The following ARHGAP8 variants were observed in gnomAD, a reference collection of about 807,000 sequenced individuals.
ARHGAP8 encodes Rho GTPase activating protein 8, also known as rho GTPase-activating protein 8.
Under a neutral mutation model 46.1 loss-of-function variants are expected in ARHGAP8, and 62 were observed. That is an observed-to-expected ratio of 1.34 (90% CI 1.10 to 1.66). The LOEUF (loss-of-function observed/expected upper bound fraction) is 1.66. Among genes scored for constraint, ARHGAP8 ranks in the 40% most tolerant of loss-of-function variants. The pLI is 0.00. For synonymous variants in ARHGAP8, 375 were observed against 243.1 expected (o/e 1.54, Z -5.05); for missense variants, 923 against 568.4 (o/e 1.62, Z -6.34).
intron 1 of ARHGAP8, among the ~76,000 whole-genome samples, chr22:44,773,158 G>T (rs1053112729): frequency 5.3e-5 from 8 of 152,098 alleles, no homozygotes; most frequent in Non-Finnish European, 8.8e-5. Flanking sequence ...ACTAGATAGT[G>T]GGCTATTCAG....
chr22:44,845,478 C>T (rs1473913643), intron 8 of ARHGAP8, 136 bp downstream of exon 8: 2 of 1,187,064 alleles, frequency 1.7e-6, no homozygotes, highest in Non-Finnish European at 2.4e-6. Context: ...ACAGTGGCTC[C>T]AGGTCTGGGC....
In ARHGAP8 at chr22:44,762,219, C is replaced by T. The variant is rs536217872; in HGVS notation, c.-72+9592C>T. On this transcript the variant is annotated intron_variant, in intron 1 of 11. Transcript: ENST00000356099. ...CCGGAAGGCTGAGATGGGAGGATCA[C>T]TTGAGGCCAGGAGTTTGAGACCAGT... 1.2e-4 allele frequency among the ~76,000 whole-genome samples: 18 copies of T among 152,310 alleles called. No individual in the cohort carries two copies. In the South Asian group the frequency reaches 3.7e-3, roughly 32 times the overall value.
intron 1 of ARHGAP8, among the ~76,000 whole-genome samples, chr22:44,761,520 A>G (rs1233116433): frequency 6.6e-6 from 1 of 152,234 alleles, no homozygotes; most frequent in Non-Finnish European, 1.5e-5. Flanking sequence ...GTTATATGCA[A>G]ATACTACACC....
intron 9 of ARHGAP8, 87 bp downstream of exon 9, chr22:44,848,137 C>T (rs2070005740): frequency 6.5e-7 from 1 of 1,539,862 alleles, no homozygotes; most frequent in Non-Finnish European, 8.8e-7. Context: ...CAGGGAAGCA[C>T]CGCCCCCGCA....
At position 44,862,630 on chromosome 22, in the gene ARHGAP8, C is replaced by T. The variant is rs199814548; in HGVS notation, c.*35C>T. ...CACTCTGTATATTTCGAGCTACCTC[C>T]CACACCTGTCTGTGCACTTGTATGT... On this transcript the variant is annotated 3_prime_UTR_variant, in exon 12 of 12. Transcript: ENST00000356099. 2.3e-5 allele frequency: 35 copies of T among 1,521,960 alleles called. No homozygotes were observed. In the East Asian group the frequency reaches 8.0e-4, roughly 35 times the overall value. The allele number at this position is 1,521,960 out of a possible 1,614,324, so 94.3% of individuals were successfully genotyped here.
intron 7 of ARHGAP8, among the ~76,000 whole-genome samples, chr22:44,833,102 T>TTTCTTTTC (rs781535479): frequency 9.5e-5 from 14 of 147,044 alleles, no homozygotes; most frequent in African/African-American, 3.5e-4. Context: ...TTTTCTTTTT[T>TTTCTTTTC]TTTTTTTTTT....
intron 1 of ARHGAP8, among the ~76,000 whole-genome samples, chr22:44,761,057 G>A (rs1009616389): frequency 4.6e-5 from 7 of 152,334 alleles, no homozygotes; most frequent in African/African-American, 1.7e-4. Context: ...ACTTCATTTT[G>A]ATGATTACGA....
chr22:44,858,196 C>G (rs1465579928), intron 10 of ARHGAP8, among the ~76,000 whole-genome samples: 6 of 152,110 alleles, frequency 3.9e-5, no homozygotes, highest in Non-Finnish European at 8.8e-5. Flanking sequence ...TTGTAGAGCA[C>G]CCGGTGGTCA....
intron 2 of ARHGAP8, among the ~76,000 whole-genome samples, chr22:44,793,582 C>A (rs577852088): frequency 1.3e-5 from 2 of 152,182 alleles, no homozygotes; most frequent in African/African-American, 4.8e-5. Context: ...TTGCTACTGC[C>A]TTTATGATGC....
intron 5 of ARHGAP8, among the ~76,000 whole-genome samples, chr22:44,821,242 T>C (rs371183583): frequency 1.4e-3 from 209 of 152,130 alleles, no homozygotes; most frequent in African/African-American, 1.7e-3. Flanking sequence ...CCATCCTGGC[T>C]AACATGTTGA....
chr22:44,807,512 C>A (rs1271482487), intron 3 of ARHGAP8, among the ~76,000 whole-genome samples: 2 of 152,158 alleles, frequency 1.3e-5, no homozygotes, highest in Non-Finnish European at 2.9e-5. Flanking sequence ...CTTAGAAATG[C>A]AGCAGGCAGC....
intron 5 of ARHGAP8, among the ~76,000 whole-genome samples, chr22:44,815,527 G>C (rs1276230545): frequency 6.6e-6 from 1 of 152,116 alleles, no homozygotes; most frequent in South Asian, 2.1e-4. Flanking sequence ...CCCAGGAGCA[G>C]GTCACCCATG....
chr22:44,836,302 C>A (rs1931283732), intron 7 of ARHGAP8, among the ~76,000 whole-genome samples: 1 of 151,746 alleles, frequency 6.6e-6, no homozygotes. Context: ...CTGGGGCCAA[C>A]TAATGTTCCT....
chr22:44,799,958 A>G (rs1189334488), intron 2 of ARHGAP8, among the ~76,000 whole-genome samples: 2 of 105,168 alleles, frequency 1.9e-5, no homozygotes, highest in African/African-American at 3.8e-5. Flanking sequence ...GAGGTCTCCA[A>G]CCTCTTCTGG....
chr22:44,845,434 C>T (rs916102504), intron 8 of ARHGAP8, 92 bp downstream of exon 8: 55 of 1,557,498 alleles, frequency 3.5e-5, no homozygotes, highest in Non-Finnish European at 4.7e-5. Context: ...ACCCACAAGC[C>T]AGGGGGTGTG....
At chr22:44,758,650 G>A (rs1352562054) in intron 1 of ARHGAP8, among the ~76,000 whole-genome samples, 1 of 151,860 alleles carries the variant, frequency 6.6e-6, no homozygotes, top group African/African-American at 2.4e-5. Context: ...TGCAAAGGCC[G>A]TGAGGTGGCA....
chr22:44,809,415 A>G, intron 4 of ARHGAP8: 6 of 354,682 alleles, frequency 1.7e-5, no homozygotes, highest in South Asian at 1.3e-4. Flanking sequence ...GCAAAGAAAC[A>G]ACTGCATGAC....
chr22:44,861,914 T>G (rs1014301493), intron 11 of ARHGAP8, among the ~76,000 whole-genome samples: 1 of 151,998 alleles, frequency 6.6e-6, no homozygotes, highest in Non-Finnish European at 1.5e-5. Context: ...AGTTCGCCAC[T>G]CACAGAGCCG....
At chr22:44,804,279 G>A (rs140287331) in intron 3 of ARHGAP8, among the ~76,000 whole-genome samples, 349 of 152,264 alleles carry the variant, frequency 2.3e-3, no homozygotes, top group African/African-American at 7.6e-3. Flanking sequence ...GGCGGCCACC[G>A]AGCCTCCTTC....
Sources: allele counts gnomAD v4.1 joint callset (sites outside exome capture counted in the v4.1 genomes callset), GRCh38; gene constraint gnomAD v4.1.1; transcripts MANE v1.5; gene names NCBI Gene and HGNC (gene_info 2026-07-23, HGNC 2026-07-21).